Variants in KIF16B observed in about 807,000 individuals in gnomAD.
The protein encoded by KIF16B is kinesin-like protein KIF16B.
A neutral mutation model predicts 156.3 loss-of-function variants in KIF16B; 98 were observed. That is an observed-to-expected ratio of 0.63 (90% CI 0.53 to 0.74). The LOEUF (loss-of-function observed/expected upper bound fraction) is 0.74, where lower values mean the gene tolerates loss of function less well. Ranked by LOEUF, KIF16B falls within the 30% of genes least tolerant of loss-of-function variation. KIF16B has a pLI of 0.00. For missense variants in KIF16B, 1,421 were observed against 1,606.5 expected (o/e 0.88, Z 1.97); for synonymous variants, 564 against 583.7 (o/e 0.97, Z 0.49).
chr20:16,370,752 T>TGTTGAATGA, intron 21 of KIF16B, 116 bp from the exon 22 acceptor site: 2 of 746,642 alleles, frequency 2.7e-6, no homozygotes, highest in Non-Finnish European at 4.2e-6. Context: ...TACTTGTCAT[T>TGTTGAATGA]CAACAATGAC....
At chr20:16,477,828 G>C (rs2067862898) in intron 12 of KIF16B, among the ~76,000 whole-genome samples, 1 of 152,166 alleles carries the variant, frequency 6.6e-6, no homozygotes, top group Non-Finnish European at 1.5e-5. Flanking sequence ...CTATGGCTTA[G>C]AGGTAACAGC....
At chr20:16,398,935 C>T (rs372305257) in intron 17 of KIF16B, among the ~76,000 whole-genome samples, 5 of 152,054 alleles carry the variant, frequency 3.3e-5, no homozygotes, top group African/African-American at 9.7e-5. Flanking sequence ...TATACTGGGG[C>T]GGGCAGGGAA....
At chr20:16,522,925 G>A (rs1487076814) in intron 3 of KIF16B, among the ~76,000 whole-genome samples, 1 of 152,006 alleles carries the variant, frequency 6.6e-6, no homozygotes, top group Non-Finnish European at 1.5e-5. Flanking sequence ...CAGAACGAAT[G>A]ACAAAAACCA....
chr20:16,393,242 T>C (rs1277264484), intron 17 of KIF16B, among the ~76,000 whole-genome samples: 1 of 152,212 alleles, frequency 6.6e-6, no homozygotes, highest in Non-Finnish European at 1.5e-5. Context: ...TGAATACTTG[T>C]GATTACTTTA....
At chr20:16,431,742 T>C (rs66702572) in intron 12 of KIF16B, among the ~76,000 whole-genome samples, 4,925 of 151,904 alleles carry the variant, frequency 0.032, 79 homozygotes, top group African/African-American at 0.039. Flanking sequence ...ATATATAACA[T>C]GGCCCCTTCC....
At chr20:16,509,441 T>C (rs1187856115) in intron 6 of KIF16B, among the ~76,000 whole-genome samples, 1 of 152,218 alleles carries the variant, frequency 6.6e-6, no homozygotes, top group Admixed American at 6.5e-5. Context: ...TAGCAAGGTA[T>C]AAGAGTGCTT....
intron 1 of KIF16B, among the ~76,000 whole-genome samples, chr20:16,552,085 C>A (rs1047023882): frequency 3.9e-5 from 6 of 152,222 alleles, no homozygotes; most frequent in African/African-American, 1.2e-4. Context: ...CATCACTCTT[C>A]CACTCTTTTG....
intron 12 of KIF16B, among the ~76,000 whole-genome samples, chr20:16,440,112 G>A (rs921246648): frequency 5.3e-5 from 8 of 152,106 alleles, no homozygotes; most frequent in Admixed American, 3.3e-4. Context: ...TTTATTTGCT[G>A]TCTGTCCCTG....
chr20:16,301,982 T>A (rs2063478900), intron 25 of KIF16B, among the ~76,000 whole-genome samples: 1 of 152,174 alleles, frequency 6.6e-6, no homozygotes, highest in Non-Finnish European at 1.5e-5. Context: ...GTTGTTTGTG[T>A]TCTTATTGTT....
At chr20:16,303,825 G>C (rs1319535584) in intron 25 of KIF16B, among the ~76,000 whole-genome samples, 1 of 152,176 alleles carries the variant, frequency 6.6e-6, no homozygotes, top group African/African-American at 2.4e-5. Flanking sequence ...CTGGTGGATG[G>C]CATTAGGGCC....
At chr20:16,440,883 A>G (rs1040257468) in intron 12 of KIF16B, among the ~76,000 whole-genome samples, 1 of 151,620 alleles carries the variant, frequency 6.6e-6, no homozygotes, top group Non-Finnish European at 1.5e-5. Context: ...GATCTTTTGG[A>G]TGAAACAGTC....
intron 12 of KIF16B, among the ~76,000 whole-genome samples, chr20:16,480,260 A>G (rs1224014019): frequency 1.3e-5 from 2 of 152,234 alleles, no homozygotes; most frequent in Non-Finnish European, 2.9e-5. Flanking sequence ...AAGACCTTTC[A>G]TAACAGAGAA....
chr20:16,372,026 C>T (rs924137344), intron 20 of KIF16B, among the ~76,000 whole-genome samples: 5 of 152,304 alleles, frequency 3.3e-5, no homozygotes, highest in East Asian at 3.9e-4. Context: ...ATCCCATCCA[C>T]GTCCTTAGTG....
At chr20:16,568,697 C>T (rs1568700534) in intron 1 of KIF16B, among the ~76,000 whole-genome samples, 1 of 151,798 alleles carries the variant, frequency 6.6e-6, no homozygotes, top group Non-Finnish European at 1.5e-5. Context: ...CACCAATAGT[C>T]CCAGCTACTC....
intron 22 of KIF16B, chr20:16,366,925 A>C: frequency 8.1e-7 from 1 of 1,234,950 alleles, no homozygotes; most frequent in South Asian, 3.2e-5. Context: ...AAATGAAGCA[A>C]GGTGATGATA....
intron 12 of KIF16B, among the ~76,000 whole-genome samples, chr20:16,472,284 A>G (rs2067683303): frequency 6.6e-6 from 1 of 152,200 alleles, no homozygotes; most frequent in African/African-American, 2.4e-5. Flanking sequence ...AAGTCTGCCA[A>G]TCCCTCTTGT....
chr20:16,289,168 T>C (rs189226683), intron 25 of KIF16B, among the ~76,000 whole-genome samples: 8 of 152,220 alleles, frequency 5.3e-5, no homozygotes, highest in African/African-American at 1.9e-4. Flanking sequence ...TCTTATGTAG[T>C]TTATTGAATA....
At chr20:16,566,076 A>G (rs1225099220) in intron 1 of KIF16B, among the ~76,000 whole-genome samples, 2 of 152,250 alleles carry the variant, frequency 1.3e-5, no homozygotes, top group African/African-American at 4.8e-5. Flanking sequence ...TTTCTTCGGT[A>G]TATTTTTCTG....
At chr20:16,508,898 T>C (rs2068871672) in intron 6 of KIF16B, among the ~76,000 whole-genome samples, 1 of 152,134 alleles carries the variant, frequency 6.6e-6, no homozygotes, top group South Asian at 2.1e-4. Context: ...TTTTGGAACA[T>C]TCATATGGTT....
Sources: allele counts gnomAD v4.1 joint callset (sites outside exome capture counted in the v4.1 genomes callset), GRCh38; gene constraint gnomAD v4.1.1; transcripts MANE v1.5; gene names NCBI Gene and HGNC (gene_info 2026-07-23, HGNC 2026-07-21).